The following SLC17A6 variants were observed in gnomAD, a reference collection of about 807,000 sequenced individuals.
SLC17A6 encodes solute carrier family 17 member 6, also known as vesicular glutamate transporter 2.
In SLC17A6, 35 loss-of-function variants were observed where a neutral mutation model predicts 67.1. That is an observed-to-expected ratio of 0.52 (90% CI 0.40 to 0.69). The LOEUF is 0.69. SLC17A6 is among the 30% of genes least tolerant of loss of function. The probability of loss-of-function intolerance (pLI) is 0.00; values close to 1 mark genes in which losing one functional copy is unlikely to be tolerated. For missense variants in SLC17A6, 588 were observed against 723.9 expected (o/e 0.81, Z 2.15); for synonymous variants, 285 against 252.3 (o/e 1.13, Z -1.23).
In SLC17A6 at chr11:22,362,903, A is replaced by T; in HGVS notation, c.748+78A>T. 7.1e-6 allele frequency: 7 copies of T among 985,562 alleles called. No individual in the cohort carries two copies. The South Asian group carries it at 9.2e-5, about 13-fold the overall frequency. 61.1% of individuals were successfully genotyped at this position (985,562 alleles called of 1,614,324 possible). A position where few individuals can be genotyped will look rare whatever the true frequency, so the allele number is the denominator to read the frequency against. ...GAAAATGGTTGCAGACAATGAGATC[A>T]ATCACTAAATACATTTCTATGTTTA... On this transcript the variant is annotated intron_variant, in intron 6 of 11. Coordinates refer to ENST00000263160, the MANE Select transcript of SLC17A6 (RefSeq NM_020346.3).
At position 22,376,104 on chromosome 11, in the gene SLC17A6, T is replaced by A. The variant is rs769994494; in HGVS notation, c.1285+12T>A. On this transcript the variant is annotated intron_variant, in intron 10 of 11. Transcript: ENST00000263160. ...ATTTGCTATATCTGGTAAGATATAATTTTTTTTCTTTGTACTTGGGACATT... is the reference window on the plus strand; with the variant it reads ...ATTTGCTATATCTGGTAAGATATAAATTTTTTTCTTTGTACTTGGGACATT... 4.6e-5 allele frequency: 72 copies of A among 1,570,478 alleles called. No individual in the cohort carries two copies. The highest frequency in any genetic ancestry group is 6.0e-5 in the Non-Finnish European group (69 of 1,151,606).
Position 22,362,861 on chromosome 11 carries a change from A to G in SLC17A6, c.748+36A>G. On this transcript the variant is annotated intron_variant, in intron 6 of 11. Transcript: ENST00000263160. ...TTTCTATGCAATAGAGTTAAAGGAA[A>G]TGTGCATAGGCTAAAAGAAAATGGT... 3.3e-6 allele frequency: 5 copies of G among 1,513,242 alleles called. No individual in the cohort carries two copies. The South Asian group carries it at 3.4e-5, about 10-fold the overall frequency. 93.7% of individuals were successfully genotyped at this position (1,513,242 alleles called of 1,614,324 possible). A position where few individuals can be genotyped will look rare whatever the true frequency, so the allele number is the denominator to read the frequency against.
chr11:22,353,180 CT>C (rs1414920570), intron 3 of SLC17A6, among the ~76,000 whole-genome samples: 3 of 152,058 alleles, frequency 2.0e-5, no homozygotes, highest in African/African-American at 7.2e-5. Context: ...ACAGTGTCCC[CT>C]TTCATAATTG....
intron 3 of SLC17A6, among the ~76,000 whole-genome samples, chr11:22,343,809 T>C (rs2133859029): frequency 6.6e-6 from 1 of 152,240 alleles, no homozygotes; most frequent in South Asian, 2.1e-4. Context: ...CTCGAAGACC[T>C]GGCCCCGTCC....
At chr11:22,372,207 C>A (rs993578585) in intron 8 of SLC17A6, among the ~76,000 whole-genome samples, 1 of 151,644 alleles carries the variant, frequency 6.6e-6, no homozygotes, top group South Asian at 2.1e-4. Context: ...GTTCAGACAG[C>A]ACTGTATATA....
intron 8 of SLC17A6, among the ~76,000 whole-genome samples, chr11:22,373,211 C>T (rs1258423992): frequency 1.3e-5 from 2 of 152,116 alleles, no homozygotes; most frequent in African/African-American, 4.8e-5. Context: ...GTATTAAATA[C>T]TGGGTCAGAA....
chr11:22,361,100 T>C (rs576278299), intron 5 of SLC17A6, 116 bp downstream of exon 5: 24 of 690,454 alleles, frequency 3.5e-5, no homozygotes, highest in Non-Finnish European at 4.9e-5. Flanking sequence ...TATGAACATC[T>C]GTGAGTGGTA....
chr11:22,362,661 C>A, intron 5 of SLC17A6, 78 bp from the exon 6 acceptor site: 1 of 1,222,402 alleles, frequency 8.2e-7, no homozygotes, highest in South Asian at 1.2e-5. Context: ...CTGTGTGAAT[C>A]AACAAAGGAA....
At chr11:22,362,250 G>T (rs1461175459) in intron 5 of SLC17A6, 2 of 473,470 alleles carry the variant, frequency 4.2e-6, no homozygotes, top group Non-Finnish European at 8.2e-6. Context: ...TTTGAGAACT[G>T]AAGCAATATG....
intron 1 of SLC17A6, among the ~76,000 whole-genome samples, chr11:22,341,121 G>A (rs112454348): frequency 1.3e-5 from 2 of 152,300 alleles, no homozygotes; most frequent in East Asian, 3.9e-4. Context: ...CCTGCTGGGC[G>A]CGTGTAGGAG....
At chr11:22,353,346 C>CCAAAACAAAACAAAA (rs537966448) in intron 3 of SLC17A6, among the ~76,000 whole-genome samples, 29 of 151,876 alleles carry the variant, frequency 1.9e-4, no homozygotes, top group African/African-American at 6.5e-4. Context: ...CACAGTGTAA[C>CCAAAACAAAACAAAA]CAAAACAAAA....
chr11:22,362,142 C>T, intron 5 of SLC17A6: 1 of 272,938 alleles, frequency 3.7e-6, no homozygotes, highest in Non-Finnish European at 7.5e-6. Flanking sequence ...TGAGAATTGT[C>T]AGTATGTTTT....
At chr11:22,365,834 T>G in intron 7 of SLC17A6, 145 bp downstream of exon 7, 3 of 818,010 alleles carry the variant, frequency 3.7e-6, no homozygotes. Flanking sequence ...CCATATTCTC[T>G]GACTTAGGAA....
chr11:22,366,651 T>C (rs1856115988), intron 7 of SLC17A6, among the ~76,000 whole-genome samples: 2 of 152,148 alleles, frequency 1.3e-5, no homozygotes, highest in African/African-American at 4.8e-5. Context: ...CACATAACAC[T>C]GATACATTGT....
chr11:22,368,151 C>T (rs1247313313), intron 7 of SLC17A6, among the ~76,000 whole-genome samples: 1 of 152,026 alleles, frequency 6.6e-6, no homozygotes, highest in Non-Finnish European at 1.5e-5. Context: ...TTCTCCCTCA[C>T]TATCTCAGTA....
At chr11:22,354,734 T>C (rs886824989) in intron 3 of SLC17A6, among the ~76,000 whole-genome samples, 3 of 152,238 alleles carry the variant, frequency 2.0e-5, no homozygotes, top group Non-Finnish European at 4.4e-5. Flanking sequence ...CATAGTTCTC[T>C]ACTTACTATC....
chr11:22,368,797 G>C (rs1038925717), intron 7 of SLC17A6, among the ~76,000 whole-genome samples: 2 of 151,956 alleles, frequency 1.3e-5, no homozygotes, highest in African/African-American at 4.8e-5. Context: ...TTTAAAAACT[G>C]TACTTTTGGA....
Position 22,376,006 on chromosome 11 carries a change from T to C in SLC17A6, c.1199T>C (p.Leu400Pro). 6.2e-7 allele frequency: 1 copy of C among 1,609,610 alleles called. No homozygotes were observed. Among genetic ancestry groups the C allele is most frequent in the Non-Finnish European group, 8.5e-7 (1 of 1,177,384 alleles). The change falls in exon 10 of 12, where the codon CTC (leucine) becomes CCC (proline). Residue 400 changes from leucine to proline, a missense_variant. By Grantham distance (98) the Leu-to-Pro change is moderately conservative. Around this residue, in one of 4 missense-constraint regions of SLC17A6, gnomAD observed 414 missense variants for 563.4 expected, o/e 0.73. Transcript: ENST00000263160. ...GGTTTTGGCATGGAAGCCACACTGC[T>C]CCTGGTCGTTGGCTATTCTCATACT... Reference protein sequence around the residue: ...CGGFGMEATLLLVVGYSHTRG... With the variant: ...CGGFGMEATLPLVVGYSHTRG...
At chr11:22,351,985 C>A (rs1855944211) in intron 3 of SLC17A6, among the ~76,000 whole-genome samples, 1 of 152,100 alleles carries the variant, frequency 6.6e-6, no homozygotes, top group Non-Finnish European at 1.5e-5. Context: ...CTTCTAGCAT[C>A]AGACCAAACA....
Sources: gnomAD v4.1 joint callset for allele counts (sites outside exome capture counted in the v4.1 genomes callset) on GRCh38, gnomAD v4.1.1 for gene constraint, gnomAD v4.1.1 regional missense constraint, MANE v1.5 for transcripts, NCBI Gene and HGNC (gene_info 2026-07-23, HGNC 2026-07-21) for gene names.